ARHGAP29: variants seen among roughly 807,000 people sequenced by gnomAD.
The protein encoded by ARHGAP29 is Rho GTPase activating protein 29.
A neutral mutation model predicts 122.6 loss-of-function variants in ARHGAP29; 43 were observed. The observed-to-expected ratio is 0.35, with a 90% confidence interval of 0.27 to 0.45. ARHGAP29 has a LOEUF of 0.45. ARHGAP29 is among the 20% of genes least tolerant of loss of function. The pLI, the probability that ARHGAP29 is intolerant of heterozygous loss-of-function variation, is 1.00. For missense variants in ARHGAP29, 1,303 were observed against 1,477.2 expected (o/e 0.88, Z 1.93); for synonymous variants, 506 against 497.1 (o/e 1.02, Z -0.24).
At chr1:94,205,336 T>G (rs1299059047) in intron 6 of ARHGAP29, 138 bp from the exon 7 acceptor site, 3 of 692,820 alleles carry the variant, frequency 4.3e-6, no homozygotes, top group Non-Finnish European at 6.6e-6. Context: ...AATTTACAAT[T>G]AAAAGGCCAG....
chr1:94,282,507 C>T, the ARHGAP29 span, among the ~76,000 whole-genome samples: 1 of 151,958 alleles, frequency 6.6e-6, no homozygotes, highest in Non-Finnish European at 1.5e-5. Context: ...CCCTCCTGGC[C>T]TCAAGCGATC....
At chr1:94,307,106 AT>A in the ARHGAP29 span, among the ~76,000 whole-genome samples, 71 of 152,110 alleles carry the variant, frequency 4.7e-4, no homozygotes, top group South Asian at 0.014. Flanking sequence ...AAGTACCTTC[AT>A]TTTTTTTCCC....
chr1:94,215,736 C>A (rs1651919750), intron 3 of ARHGAP29, among the ~76,000 whole-genome samples: 1 of 151,724 alleles, frequency 6.6e-6, no homozygotes, highest in Non-Finnish European at 1.5e-5. Context: ...AACCCAGAAA[C>A]CATAAAAGAC....
At chr1:94,176,713 T>C (rs896557546) in intron 22 of ARHGAP29, 1 of 152,176 alleles carries the variant, frequency 6.6e-6, no homozygotes, top group African/African-American at 2.4e-5. Flanking sequence ...GTTCAAGTGA[T>C]TCTCCTGCCT....
At chr1:94,302,851 G>A in the ARHGAP29 span, 1 of 232,184 alleles carries the variant, frequency 4.3e-6, no homozygotes, top group Non-Finnish European at 8.7e-6. Flanking sequence ...GCCACACTGA[G>A]CACCAGGCTG....
At chr1:94,291,987 G>A in the ARHGAP29 span, among the ~76,000 whole-genome samples, 2 of 152,112 alleles carry the variant, frequency 1.3e-5, no homozygotes, top group Non-Finnish European at 1.5e-5. Context: ...TCCCGAATTT[G>A]AATTTTGGCC....
rs561506365 is a variant in ARHGAP29, at chr1:94,210,237, G to A, written c.341-887C>T. Among the ~76,000 whole-genome samples, 3 of 152,260 alleles carry A rather than the reference G, an allele frequency of 2.0e-5. No individual in the cohort carries two copies. In the South Asian group the frequency reaches 6.2e-4, roughly 32 times the overall value. ...CTAATATTCTCACCAATAAAGGGAA[G>A]GAAGATAAACCTTTTGAAGAAGTCA... is the stretch of plus-strand genomic sequence containing the variant. On this transcript the variant is annotated intron_variant, in intron 3 of 22. Coordinates refer to ENST00000260526, the MANE Select transcript of ARHGAP29 (RefSeq NM_004815.4).
chr1:94,203,543 T>C lies in ARHGAP29; in HGVS notation c.763-333A>G, dbSNP rs578244984. Among the ~76,000 whole-genome samples, 4 of 152,268 alleles carry C rather than the reference T, an allele frequency of 2.6e-5. No homozygotes were observed. The East Asian group carries it at 7.7e-4, about 29-fold the overall frequency. On this transcript the variant is annotated intron_variant, in intron 8 of 22. Transcript: ENST00000260526. The stretch of plus-strand genomic sequence containing the variant: ...TGAGCTCAGGAGTTTGAGACCAGCC[T>C]AGGCAACATGGTGAAACCCCATCTC...
At chr1:94,279,488 G>A (rs1460081381), upstream of ARHGAP29, among the ~76,000 whole-genome samples, 1 of 152,136 alleles carries the variant, frequency 6.6e-6, no homozygotes, top group African/African-American at 2.4e-5. Flanking sequence ...CACAATTTCT[G>A]TTACAGTACT....
chr1:94,235,882 T>TG (rs1653219408), intron 1 of ARHGAP29, among the ~76,000 whole-genome samples: 1 of 152,200 alleles, frequency 6.6e-6, no homozygotes, highest in Non-Finnish European at 1.5e-5. Flanking sequence ...AAATGTCCGC[T>TG]GCCCCACGCA....
At chr1:94,290,314 T>C in the ARHGAP29 span, among the ~76,000 whole-genome samples, 1 of 152,208 alleles carries the variant, frequency 6.6e-6, no homozygotes, top group African/African-American at 2.4e-5. Context: ...TTCTTCTCTA[T>C]TTCTTCTTTA....
intron 1 of ARHGAP29, among the ~76,000 whole-genome samples, chr1:94,273,279 TCTC>T (rs1487253195): frequency 7.9e-5 from 12 of 152,326 alleles, no homozygotes; most frequent in South Asian, 4.1e-4. Flanking sequence ...GTCAGAACGC[TCTC>T]CTCCTTTGCA....
the ARHGAP29 span, among the ~76,000 whole-genome samples, chr1:94,306,182 A>G: frequency 6.6e-6 from 1 of 152,156 alleles, no homozygotes; most frequent in Non-Finnish European, 1.5e-5. Context: ...AGTTTCTTTG[A>G]GTCTTTCCCC....
intron 22 of ARHGAP29, among the ~76,000 whole-genome samples, 175 bp from the exon 23 acceptor site, chr1:94,174,924 T>C (rs1236779094): frequency 6.6e-6 from 1 of 152,184 alleles, no homozygotes; most frequent in Non-Finnish European, 1.5e-5. Context: ...TAAAGGTGTA[T>C]ATTGAATTTA....
intron 1 of ARHGAP29, among the ~76,000 whole-genome samples, chr1:94,235,951 T>C (rs1387777422): frequency 6.6e-6 from 1 of 152,214 alleles, no homozygotes; most frequent in Non-Finnish European, 1.5e-5. Context: ...CTAATTGAAG[T>C]GTAAAACTGC....
At chr1:94,202,414 TG>T in intron 11 of ARHGAP29, 129 bp downstream of exon 11, 1 of 1,089,086 alleles carries the variant, frequency 9.2e-7, no homozygotes, top group Non-Finnish European at 1.3e-6. Flanking sequence ...TGAGAAACTC[TG>T]GGGGATGGGC....
chr1:94,202,494 G>T, intron 11 of ARHGAP29, 50 bp downstream of exon 11: 1 of 1,599,874 alleles, frequency 6.3e-7, no homozygotes, highest in Non-Finnish European at 8.5e-7. Context: ...CAAACTCCTG[G>T]CAGATTACCG....
At position 94,177,600 on chromosome 1, in the gene ARHGAP29, A is replaced by G; in HGVS notation, c.2905+12T>C. 4 of 1,571,436 alleles carry G rather than the reference A, an allele frequency of 2.5e-6. No individual in the cohort carries two copies. The highest frequency in any genetic ancestry group is 3.4e-6 in the Non-Finnish European group (4 of 1,159,574). ...GCCAGCAAACATATTTTTTTTTTAC[A>G]TGGCTACTCACCACTGAGACATGCA... On this transcript the variant is annotated intron_variant, in intron 22 of 22. Coordinates refer to ENST00000260526, the MANE Select transcript of ARHGAP29 (RefSeq NM_004815.4).
chr1:94,204,665 C>T (rs994136061), intron 7 of ARHGAP29, among the ~76,000 whole-genome samples: 4 of 152,136 alleles, frequency 2.6e-5, no homozygotes, highest in African/African-American at 9.7e-5. Flanking sequence ...ATAATGACTA[C>T]GAAAACATTT....
Sources: allele counts gnomAD v4.1 joint callset (sites outside exome capture counted in the v4.1 genomes callset), GRCh38; gene constraint gnomAD v4.1.1; transcripts MANE v1.5; gene names NCBI Gene and HGNC (gene_info 2026-07-23, HGNC 2026-07-21).